TAF1: variants seen among roughly 807,000 people sequenced by gnomAD.
The protein encoded by TAF1 is transcription initiation factor TFIID subunit 1.
A neutral mutation model predicts 138.5 loss-of-function variants in TAF1; 2 were observed. The observed-to-expected ratio is 0.01, with a 90% CI of 0.01 to 0.05. The LOEUF is 0.05. TAF1 is among the 10% of genes least tolerant of loss of function. The pLI, the probability that TAF1 is intolerant of heterozygous loss-of-function variation, is 1.00. For synonymous variants in TAF1, 437 were observed against 503.2 expected, an observed-to-expected ratio of 0.87 and a Z score of 1.76; for missense variants, 709 against 1,478.0, an observed-to-expected ratio of 0.48 and a Z score of 8.53.
At chrX:71,379,128 T>TTTTTTTTTTTC (rs2033688728) in intron 8 of TAF1, 97 bp downstream of exon 8, 2 of 774,755 alleles carry the variant, frequency 2.6e-6, no homozygotes, top group African/African-American at 4.7e-5. Context: ...TTTTTTTTTT[T>TTTTTTTTTTTC]CGGTGAGACA....
chrX:71,398,384 T>C lies in TAF1; in HGVS notation c.3621-188T>C, dbSNP rs186435903. Reference sequence around the variant, plus strand: ...ACCTTAGAGATTACTCAGGACTTATTCTAAGAGAGTTACCTCTGCAAATGG... The same window carrying C: ...ACCTTAGAGATTACTCAGGACTTATCCTAAGAGAGTTACCTCTGCAAATGG... On this transcript the variant is annotated intron_variant, in intron 23 of 37. Transcript: ENST00000423759. Among the ~76,000 whole-genome samples the C allele has an allele frequency of 2.7e-5, 3 of 111,068 alleles. No individual in the cohort carries two copies. In the Admixed American group the frequency reaches 2.9e-4, roughly 11 times the overall value.
chrX:71,434,340 A>C (rs982642349), intron 32 of TAF1, among the ~76,000 whole-genome samples: 1 of 112,654 alleles, frequency 8.9e-6, no homozygotes, highest in African/African-American at 3.2e-5. Flanking sequence ...AAATTTTGTT[A>C]GTATTAAAGT....
At chrX:71,382,465 C>G (rs1312946293) in intron 9 of TAF1, 71 bp from the exon 10 acceptor site, 2 of 1,153,015 alleles carry the variant, frequency 1.7e-6, no homozygotes, top group African/African-American at 3.7e-5. Context: ...AAGAAGAAAA[C>G]TGGATACTTG....
chrX:71,393,622 A>T, intron 21 of TAF1, 146 bp downstream of exon 21: 1 of 865,543 alleles, frequency 1.2e-6, no homozygotes, highest in African/African-American at 2.0e-5. Context: ...TATGTTTGTA[A>T]TCCCACCACC....
chrX:71,423,073 C>T, intron 29 of TAF1, 44 bp from the exon 30 acceptor site: 3 of 1,207,824 alleles, frequency 2.5e-6, no homozygotes, highest in Non-Finnish European at 3.4e-6. Context: ...GGTGATCACA[C>T]CTTAGGGAAA....
chrX:71,388,267 A>G lies in TAF1; in HGVS notation c.2458A>G (p.Lys820Glu), dbSNP rs2034360614. Residue 820 changes from lysine (K) to glutamate (E), a missense_variant, in exon 16 of 38, where the codon AAA becomes GAA. This residue lies in a region of TAF1 where 201 missense variants were observed against 421.3 expected (regional missense o/e 0.48). Coordinates refer to ENST00000423759, the MANE Select transcript of TAF1 (RefSeq NM_004606.5). ...TATTTACCGCCTTTTCTGGAAAAGT[A>G]AAGATCGGCCACGGAGGATACGAAT... ...VFIYRLFWKS[K>E]DRPRRIRMED... The G allele has an allele frequency of 6.6e-6, 8 of 1,210,809 alleles. No homozygotes were observed. The highest frequency in any genetic ancestry group is 8.9e-6 in the Non-Finnish European group (8 of 895,351).
At chrX:71,426,865 T>C (rs999209210) in intron 32 of TAF1, among the ~76,000 whole-genome samples, 22 of 111,830 alleles carry the variant, frequency 2.0e-4, no homozygotes, top group Admixed American at 1.7e-3. Context: ...TGGGAAAACA[T>C]TGAAGGAATG....
chrX:71,475,632 A>G (rs1441512147), intron 13 of TAF1, among the ~76,000 whole-genome samples: 1 of 110,661 alleles, frequency 9.0e-6, no homozygotes, highest in Non-Finnish European at 1.9e-5. Context: ...TAAATAAAAG[A>G]TTTTCAAGAC....
intron 35 of TAF1, chrX:71,459,154 G>T (rs758848092): frequency 2.8e-6 from 3 of 1,067,008 alleles, no homozygotes; most frequent in Admixed American, 4.8e-5. Flanking sequence ...ACTCAGATGC[G>T]CCAGGGCCGA....
chrX:71,520,692 A>C lies in TAF1; in HGVS notation c.1367-7850A>C, dbSNP rs758369151. Among the ~76,000 whole-genome samples the C allele has an allele frequency of 1.2e-4, 5 of 42,004 alleles. No homozygotes were observed. The South Asian group carries it at 6.2e-3, about 52-fold the overall frequency. 36.5% of individuals were successfully genotyped at this position (42,004 alleles called of 115,157 possible). On this transcript the variant is annotated intron_variant and NMD_transcript_variant, in intron 13 of 14. Coordinates refer to the TAF1 transcript ENST00000373775. Reference sequence around the variant, plus strand: ...AGAGTGAGACTCAGTCTCAAAACAAAAAAAAAAAAAGATTTTAGTAACTTT... The same window carrying C: ...AGAGTGAGACTCAGTCTCAAAACAACAAAAAAAAAAGATTTTAGTAACTTT...
intron 32 of TAF1, among the ~76,000 whole-genome samples, chrX:71,438,479 T>A (rs1386064848): frequency 1.8e-5 from 2 of 111,849 alleles, no homozygotes; most frequent in African/African-American, 6.5e-5. Flanking sequence ...CAGCCAGACT[T>A]CTTTTATGAA....
At chrX:71,394,315 C>G in intron 22 of TAF1, 70 bp downstream of exon 22, 1 of 1,093,583 alleles carries the variant, frequency 9.1e-7, no homozygotes, top group Non-Finnish European at 1.2e-6. Context: ...TAACTGCAGA[C>G]TGTAATTGAG....
chrX:71,508,463 G>A (rs2039671244), intron 13 of TAF1, among the ~76,000 whole-genome samples: 1 of 107,413 alleles, frequency 9.3e-6, no homozygotes, highest in South Asian at 4.2e-4. Flanking sequence ...AAATTAGCTT[G>A]GCATGGTGGC....
intron 13 of TAF1, among the ~76,000 whole-genome samples, chrX:71,506,219 AAAAT>A (rs1380939722): frequency 9.3e-6 from 1 of 107,071 alleles, no homozygotes; most frequent in African/African-American, 3.4e-5. Flanking sequence ...TAAATAAATA[AAAAT>A]AAATAAATAA....
chrX:71,447,412 G>A (rs957548583), intron 32 of TAF1, among the ~76,000 whole-genome samples: 3 of 111,065 alleles, frequency 2.7e-5, no homozygotes, highest in African/African-American at 9.8e-5. Flanking sequence ...CAGAAAGTTA[G>A]CAGCAATAGG....
chrX:71,476,532 A>C (rs1306969830), intron 13 of TAF1, among the ~76,000 whole-genome samples: 1 of 110,009 alleles, frequency 9.1e-6, no homozygotes, highest in Non-Finnish European at 1.9e-5. Context: ...GGTCCCAGCT[A>C]CTTGAGAGGC....
At position 71,384,148 on chromosome X, in the gene TAF1, T is replaced by C; in HGVS notation, c.2121+13T>C. 3 of 1,204,643 alleles carry C rather than the reference T, an allele frequency of 2.5e-6. No individual in the cohort carries two copies. Among genetic ancestry groups the C allele is most frequent in the Non-Finnish European group, 3.4e-6 (3 of 892,845 alleles). ...CTATTATAAACGGGTGAGTCTCTGC[T>C]CAGAAAATTTTTTTCCCATACATAA... is the stretch of plus-strand genomic sequence containing the variant. On this transcript the variant is annotated intron_variant, in intron 13 of 37. Coordinates refer to ENST00000423759, the MANE Select transcript of TAF1 (RefSeq NM_004606.5).
At position 71,374,148 on chromosome X, in the gene TAF1, A is replaced by G. The variant is rs756527334; in HGVS notation, c.353-1019A>G. On this transcript the variant is annotated intron_variant, in intron 3 of 37. Coordinates refer to ENST00000423759, the MANE Select transcript of TAF1 (RefSeq NM_004606.5). ...GCCCAGGCTGGAGTGCAGTGGCGCAATCTCGGCTTACTGCAACCTTCACCT... is the reference window on the plus strand; with the variant it reads ...GCCCAGGCTGGAGTGCAGTGGCGCAGTCTCGGCTTACTGCAACCTTCACCT... Among the ~76,000 whole-genome samples, 4 of 110,126 alleles carry G rather than the reference A, an allele frequency of 3.6e-5. No individual in the cohort carries two copies. The East Asian group carries it at 1.1e-3, about 31-fold the overall frequency.
chrX:71,528,546 C>G (rs1211418123), exon 14 of TAF1: 1 of 328,011 alleles, frequency 3.0e-6, no homozygotes, highest in African/African-American at 2.7e-5. Flanking sequence ...TTACAGGTAC[C>G]AATGAACAAG....
Sources: gnomAD v4.1 joint callset for allele counts (sites outside exome capture counted in the v4.1 genomes callset) on GRCh38, gnomAD v4.1.1 for gene constraint, gnomAD v4.1.1 regional missense constraint, MANE v1.5 for transcripts, NCBI Gene and HGNC (gene_info 2026-07-23, HGNC 2026-07-21) for gene names.